The following RUNX2 variants were observed in gnomAD, a reference collection of about 807,000 sequenced individuals.
RUNX2 encodes RUNX family transcription factor 2.
A neutral mutation model predicts 51.7 loss-of-function variants in RUNX2; 10 were observed. The ratio of observed to expected loss-of-function variants is 0.19; its 90% CI spans 0.12 to 0.33. The LOEUF (loss-of-function observed/expected upper bound fraction) is 0.33. RUNX2 is among the 10% of genes least tolerant of loss of function. The pLI, the probability that RUNX2 is intolerant of heterozygous loss-of-function variation, is 1.00. For synonymous variants in RUNX2, 276 were observed against 273.6 expected (o/e 1.01, Z -0.09); for missense variants, 562 against 691.3 (o/e 0.81, Z 2.10).
chr6:45,391,739 C>T (rs1371113141), intron 2 of RUNX2, among the ~76,000 whole-genome samples: 1 of 152,084 alleles, frequency 6.6e-6, no homozygotes, highest in Non-Finnish European at 1.5e-5. Context: ...GGGGAAAGAG[C>T]CCTTATAAAA....
intron 6 of RUNX2, 128 bp from the exon 7 acceptor site, chr6:45,512,118 T>A (rs911366307): frequency 9.5e-6 from 7 of 734,218 alleles, no homozygotes; most frequent in Middle Eastern, 3.8e-4. Context: ...CCTTATATAT[T>A]ATATATATAT....
chr6:45,496,512 A>G (rs1289385139), intron 6 of RUNX2, among the ~76,000 whole-genome samples: 1 of 152,214 alleles, frequency 6.6e-6, no homozygotes, highest in East Asian at 1.9e-4. Context: ...ATTGCTAGGT[A>G]ACAACTCGGA....
intron 5 of RUNX2, among the ~76,000 whole-genome samples, chr6:45,458,850 T>C (rs1429684119): frequency 6.6e-6 from 1 of 152,228 alleles, no homozygotes; most frequent in Admixed American, 6.5e-5. Flanking sequence ...TTAATGTCTC[T>C]GGTTTCAGAG....
chr6:45,484,376 G>A (rs1300269042), intron 5 of RUNX2, among the ~76,000 whole-genome samples: 1 of 152,184 alleles, frequency 6.6e-6, no homozygotes, highest in Non-Finnish European at 1.5e-5. Context: ...GTTTGAGGAG[G>A]AAGGGAGGGG....
At chr6:45,373,536 A>C (rs1436450388) in intron 2 of RUNX2, among the ~76,000 whole-genome samples, 1 of 151,962 alleles carries the variant, frequency 6.6e-6, no homozygotes, top group South Asian at 2.1e-4. Flanking sequence ...CTGTGACTTA[A>C]AATATTATTT....
At chr6:45,407,074 C>A (rs1174727111) in intron 2 of RUNX2, among the ~76,000 whole-genome samples, 1 of 152,154 alleles carries the variant, frequency 6.6e-6, no homozygotes, top group Non-Finnish European at 1.5e-5. Context: ...CAGAGGTAAA[C>A]ACAATCTTGA....
intron 5 of RUNX2, among the ~76,000 whole-genome samples, chr6:45,440,582 A>C (rs999205680): frequency 6.6e-6 from 1 of 152,250 alleles, no homozygotes; most frequent in African/African-American, 2.4e-5. Flanking sequence ...ACATACATTC[A>C]TGGTCATGGC....
chr6:45,490,038 G>A (rs1385611651), intron 5 of RUNX2, among the ~76,000 whole-genome samples: 3 of 152,166 alleles, frequency 2.0e-5, no homozygotes, highest in South Asian at 2.1e-4. Flanking sequence ...ATGGTGCCAC[G>A]TGATGAATGG....
intron 2 of RUNX2, among the ~76,000 whole-genome samples, chr6:45,379,879 A>G (rs752957492): frequency 5.9e-5 from 9 of 152,138 alleles, no homozygotes; most frequent in Non-Finnish European, 1.2e-4. Flanking sequence ...AGAAAAAAAA[A>G]AATCACGCAC....
At chr6:45,391,344 G>A (rs1436850670) in intron 2 of RUNX2, among the ~76,000 whole-genome samples, 1 of 152,084 alleles carries the variant, frequency 6.6e-6, no homozygotes, top group Non-Finnish European at 1.5e-5. Flanking sequence ...TTGCTCTCTT[G>A]TTCCCACTCT....
chr6:45,456,432 C>T (rs1799321197), intron 5 of RUNX2, among the ~76,000 whole-genome samples: 1 of 152,064 alleles, frequency 6.6e-6, no homozygotes, highest in Non-Finnish European at 1.5e-5. Context: ...CATTACAGCC[C>T]ACTGCATTAT....
intron 2 of RUNX2, among the ~76,000 whole-genome samples, chr6:45,360,009 C>T (rs1426877331): frequency 6.6e-6 from 1 of 152,226 alleles, no homozygotes; most frequent in Non-Finnish European, 1.5e-5. Flanking sequence ...ATTTAGCTTT[C>T]ACATTTTATT....
At chr6:45,380,407 G>A (rs1463253782) in intron 2 of RUNX2, among the ~76,000 whole-genome samples, 1 of 152,134 alleles carries the variant, frequency 6.6e-6, no homozygotes, top group African/African-American at 2.4e-5. Context: ...CGTTCCTCTG[G>A]CATGTAATAT....
intron 2 of RUNX2, among the ~76,000 whole-genome samples, chr6:45,383,277 C>A (rs539188344): frequency 8.1e-4 from 123 of 151,908 alleles, no homozygotes; most frequent in African/African-American, 2.6e-3. Context: ...ACAAAAAAAA[C>A]ACACAAAAAA....
At chr6:45,426,961 G>A (rs1342380287) in intron 3 of RUNX2, among the ~76,000 whole-genome samples, 3 of 151,976 alleles carry the variant, frequency 2.0e-5, no homozygotes, top group Non-Finnish European at 4.4e-5. Context: ...TCTAAACTAG[G>A]GAAAATAGGT....
intron 2 of RUNX2, among the ~76,000 whole-genome samples, chr6:45,389,942 G>T (rs1306891002): frequency 1.3e-5 from 2 of 151,944 alleles, no homozygotes; most frequent in East Asian, 1.9e-4. Flanking sequence ...GGAGATGGAG[G>T]TTGCAGTGAG....
chr6:45,496,325 AC>A (rs1362329631), intron 6 of RUNX2, among the ~76,000 whole-genome samples: 2 of 152,140 alleles, frequency 1.3e-5, no homozygotes, highest in Admixed American at 1.3e-4. Flanking sequence ...TTCAAAAAAT[AC>A]TTAATGAGTG....
At chr6:45,400,009 G>A (rs1324417158) in intron 2 of RUNX2, among the ~76,000 whole-genome samples, 7 of 144,300 alleles carry the variant, frequency 4.9e-5, no homozygotes, top group African/African-American at 1.8e-4. Context: ...AGGGAAGAAA[G>A]GAAGGAAAGA....
intron 7 of RUNX2, among the ~76,000 whole-genome samples, chr6:45,535,581 G>T (rs1802005824): frequency 6.6e-6 from 1 of 150,722 alleles, no homozygotes; most frequent in Non-Finnish European, 1.5e-5. Flanking sequence ...TCTAGCCTGG[G>T]CAACAGAGTG....
Sources: allele counts gnomAD v4.1 joint callset (sites outside exome capture counted in the v4.1 genomes callset), GRCh38; gene constraint gnomAD v4.1.1; transcripts MANE v1.5; gene names NCBI Gene and HGNC (gene_info 2026-07-23, HGNC 2026-07-21).